Variants in TP63 observed in about 807,000 individuals in gnomAD.
The protein encoded by TP63 is tumor protein 63.
In TP63, 17 loss-of-function variants were observed where a neutral mutation model predicts 82.8. That is an observed-to-expected ratio of 0.21 (90% confidence interval 0.14 to 0.31). The LOEUF (loss-of-function observed/expected upper bound fraction) is 0.31, where lower values mean the gene tolerates loss of function less well. Among genes scored for constraint, TP63 ranks in the 10% least tolerant of loss-of-function variants. TP63 has a pLI of 1.00. For synonymous variants in TP63, 330 were observed against 321.7 expected, an observed-to-expected ratio of 1.03 and a Z score of -0.28; for missense variants, 648 against 895.3, an observed-to-expected ratio of 0.72 and a Z score of 3.52.
chr3:189,667,455 G>A (rs1001023862), intron 1 of TP63, among the ~76,000 whole-genome samples: 6 of 152,012 alleles, frequency 3.9e-5, no homozygotes, highest in Admixed American at 3.3e-4. Flanking sequence ...TTAGAGGTGC[G>A]AGAAAGTAGA....
the TP63 span, among the ~76,000 whole-genome samples, chr3:189,608,063 G>A: frequency 1.3e-5 from 2 of 152,148 alleles, no homozygotes; most frequent in African/African-American, 4.8e-5. Context: ...TAGGTTATAA[G>A]TTCATTAATT....
At chr3:189,623,283 C>T in the TP63 span, among the ~76,000 whole-genome samples, 7 of 152,296 alleles carry the variant, frequency 4.6e-5, no homozygotes, top group Middle Eastern at 0.01. Context: ...GGTTCAGCAA[C>T]AGCTGTCTTA....
At chr3:189,697,019 A>G (rs1717428415) in intron 1 of TP63, among the ~76,000 whole-genome samples, 1 of 152,102 alleles carries the variant, frequency 6.6e-6, no homozygotes, top group South Asian at 2.1e-4. Flanking sequence ...TTTATAAAAC[A>G]AAAGGTTTTA....
chr3:189,613,592 G>A, the TP63 span, among the ~76,000 whole-genome samples: 13 of 152,310 alleles, frequency 8.5e-5, no homozygotes, highest in African/African-American at 2.6e-4. Flanking sequence ...CCTGTGAGAA[G>A]AGGGCCACAG....
intron 1 of TP63, among the ~76,000 whole-genome samples, chr3:189,682,742 A>T (rs886339352): frequency 2.6e-5 from 4 of 151,656 alleles, no homozygotes; most frequent in Non-Finnish European, 5.9e-5. Context: ...TACAGGTATC[A>T]CTCCTGCCTC....
intron 10 of TP63, among the ~76,000 whole-genome samples, chr3:189,885,298 C>T (rs1014710842): frequency 2.0e-5 from 3 of 152,102 alleles, no homozygotes; most frequent in African/African-American, 4.8e-5. Context: ...TCATCATAGC[C>T]GTATAAGGTA....
chr3:189,635,676 C>G (rs1489373954), intron 1 of TP63, among the ~76,000 whole-genome samples: 2 of 152,014 alleles, frequency 1.3e-5, no homozygotes, highest in Non-Finnish European at 2.9e-5. Flanking sequence ...TCCTTTTCTT[C>G]AAGCTTAGGA....
intron 9 of TP63, among the ~76,000 whole-genome samples, 154 bp downstream of exon 9, chr3:189,869,560 C>CTT (rs1718157482): frequency 6.6e-6 from 1 of 152,124 alleles, no homozygotes; most frequent in Admixed American, 6.5e-5. Context: ...GACTAGATGG[C>CTT]TTATAAACAA....
intron 12 of TP63, 100 bp from the exon 13 acceptor site, chr3:189,890,689 C>A (rs534894065): frequency 3.5e-6 from 4 of 1,126,846 alleles, no homozygotes; most frequent in Admixed American, 3.9e-5. Flanking sequence ...GTGGGGCATC[C>A]AAGGGCAAAA....
chr3:189,891,613 G>T (rs76286570), intron 13 of TP63, among the ~76,000 whole-genome samples: 27,515 of 152,032 alleles, frequency 0.18, 3,101 homozygotes, highest in South Asian at 0.3. Context: ...TAAAATATTG[G>T]GTTCAAATTA....
intron 1 of TP63, among the ~76,000 whole-genome samples, chr3:189,689,898 T>C (rs1033932809): frequency 2.0e-5 from 3 of 152,130 alleles, no homozygotes; most frequent in Admixed American, 2.0e-4. Context: ...GGGTGAATAT[T>C]GAGAACAATG....
chr3:189,634,627 A>G lies in TP63; in HGVS notation c.62+3050A>G, dbSNP rs911936736. Among the ~76,000 whole-genome samples the G allele has an allele frequency of 2.0e-5, 3 of 152,250 alleles. No individual in the cohort carries two copies. The East Asian group carries it at 5.8e-4, about 29-fold the overall frequency. On this transcript the variant is annotated intron_variant, in intron 1 of 13. Transcript: ENST00000264731. ...TAGAGCTTATTAAGTTCCCCTTTTG[A>G]TAATATTAACAATACAAAGAGGAAA...
intron 1 of TP63, among the ~76,000 whole-genome samples, chr3:189,641,799 T>C (rs1310106376): frequency 6.6e-6 from 1 of 152,208 alleles, no homozygotes; most frequent in Non-Finnish European, 1.5e-5. Flanking sequence ...AGCAAACTTA[T>C]ACATGTTCAA....
chr3:189,798,959 A>T (rs936433086), intron 3 of TP63, among the ~76,000 whole-genome samples: 1 of 152,086 alleles, frequency 6.6e-6, no homozygotes, highest in Non-Finnish European at 1.5e-5. Flanking sequence ...AAAAACTTTA[A>T]TTATCTCAAA....
intron 3 of TP63, among the ~76,000 whole-genome samples, chr3:189,761,552 T>C (rs1344803789): frequency 6.9e-6 from 1 of 145,944 alleles, no homozygotes; most frequent in African/African-American, 2.4e-5. Flanking sequence ...AGCATTTTTG[T>C]CAAAGCCATT....
At chr3:189,688,999 G>A (rs1257682606) in intron 1 of TP63, among the ~76,000 whole-genome samples, 2 of 149,562 alleles carry the variant, frequency 1.3e-5, no homozygotes, top group African/African-American at 2.4e-5. Flanking sequence ...ACATGAAGCA[G>A]TGACAGATGG....
At chr3:189,654,426 G>A (rs1713155761) in intron 1 of TP63, among the ~76,000 whole-genome samples, 1 of 152,038 alleles carries the variant, frequency 6.6e-6, no homozygotes, top group Admixed American at 6.6e-5. Flanking sequence ...TTGTTTACTG[G>A]CTTTGATATT....
intron 4 of TP63, among the ~76,000 whole-genome samples, chr3:189,816,922 T>C (rs1728248390): frequency 6.6e-6 from 1 of 151,932 alleles, no homozygotes; most frequent in African/African-American, 2.4e-5. Context: ...TATTGTGAGG[T>C]AAATTAGGGA....
At chr3:189,751,671 G>GT (rs553157112) in intron 3 of TP63, among the ~76,000 whole-genome samples, 161 of 152,178 alleles carry the variant, frequency 1.1e-3, no homozygotes, top group Non-Finnish European at 1.9e-3. Context: ...GGGGTTGTTT[G>GT]TTTTTTTCTT....
Sources: gnomAD v4.1 joint callset for allele counts (sites outside exome capture counted in the v4.1 genomes callset) on GRCh38, gnomAD v4.1.1 for gene constraint, MANE v1.5 for transcripts, NCBI Gene and HGNC (gene_info 2026-07-23, HGNC 2026-07-21) for gene names.